ALPL: variants seen among roughly 807,000 people sequenced by gnomAD.
ALPL encodes the protein alkaline phosphatase, biomineralization associated.
ALPL carries 42 observed loss-of-function variants against 51.3 expected under a neutral mutation model. That is an observed-to-expected ratio of 0.82 (90% CI 0.64 to 1.06). The LOEUF is 1.06. Among genes scored for constraint, ALPL ranks in the 50% least tolerant of loss-of-function variants. ALPL has a pLI of 0.00. For synonymous variants in ALPL, 279 were observed against 296.4 expected, an observed-to-expected ratio of 0.94 and a Z score of 0.60; for missense variants, 589 against 709.4, an observed-to-expected ratio of 0.83 and a Z score of 1.93.
chr1:21,509,336 G>A (rs1643632215), upstream of ALPL: 1 of 147,294 alleles, frequency 6.8e-6, no homozygotes, highest in African/African-American at 2.5e-5. This position sits in a 1 kb window ranked among gnomAD's most constrained non-coding sequence, Gnocchi z 6.0. Context: ...GAGGGGTTGG[G>A]GCCGGGGGCG....
intron 1 of ALPL, among the ~76,000 whole-genome samples, chr1:21,547,544 G>C (rs1408278815): frequency 6.6e-6 from 1 of 152,180 alleles, no homozygotes; most frequent in Non-Finnish European, 1.5e-5. Flanking sequence ...CAGCTGGCCT[G>C]ACTCCCCCTG....
chr1:21,552,096 C>T (rs1644334038), intron 1 of ALPL, among the ~76,000 whole-genome samples: 2 of 74,298 alleles, frequency 2.7e-5, no homozygotes, highest in African/African-American at 9.2e-5. Flanking sequence ...CCCTTCCCTT[C>T]CCTTCCCTTT....
chr1:21,568,142 G>T lies in ALPL; in HGVS notation c.687G>T (p.Lys229Asn), dbSNP rs763892146. The T allele has an allele frequency of 6.2e-7, 1 of 1,614,072 alleles. No individual in the cohort carries two copies. The highest frequency in any genetic ancestry group is 1.7e-5 in the Admixed American group (1 of 60,012). ...GTGGCCGGAAATACATGTACCCCAA[G>T]AATAAAACTGATGTGGAGTATGAGA... is the stretch of plus-strand genomic sequence containing the variant. The part of the protein sequence containing the change: ...MGGGRKYMYP[K>N]NKTDVEYESD... The change falls in exon 7 of 12, where the codon AAG becomes AAT. Residue 229 changes from lysine (K) to asparagine (N), a missense_variant. Physicochemically the swap from Lys to Asn is moderately conservative, Grantham distance 94. Transcript: ENST00000374840.
At chr1:21,518,043 T>C (rs926183523) in intron 1 of ALPL, among the ~76,000 whole-genome samples, 1 of 152,062 alleles carries the variant, frequency 6.6e-6, no homozygotes, top group Admixed American at 6.6e-5. Context: ...ACGGTGCTCC[T>C]TGGTCTTCTT....
At chr1:21,527,659 C>T (rs1643966694) in intron 1 of ALPL, among the ~76,000 whole-genome samples, 1 of 151,388 alleles carries the variant, frequency 6.6e-6, no homozygotes, top group Admixed American at 6.6e-5. Flanking sequence ...AGGCGATTCT[C>T]CTGCCTCAGC....
At chr1:21,540,489 GAC>G (rs1644168552) in intron 1 of ALPL, among the ~76,000 whole-genome samples, 1 of 152,186 alleles carries the variant, frequency 6.6e-6, no homozygotes, top group Non-Finnish European at 1.5e-5. Flanking sequence ...TTGAGTAAGT[GAC>G]AGTCAGAGCC....
chr1:21,557,429 CGTG>C (rs1644428180), intron 2 of ALPL, among the ~76,000 whole-genome samples: 1 of 152,224 alleles, frequency 6.6e-6, no homozygotes, highest in Non-Finnish European at 1.5e-5. Flanking sequence ...TCTGAGACCT[CGTG>C]GTGCCATTTG....
chr1:21,577,430 A>AC lies in ALPL; in HGVS notation c.1360dup (p.His454ProfsTer?). ...GTCTGCTGTGCCCCTGCGCCACGAG[A>AC]CCCACGGCGGGGAGGACGTGGCCGT... On this transcript the variant is annotated frameshift_variant, in exon 12 of 12. Coordinates refer to ENST00000374840, the MANE Select transcript of ALPL (RefSeq NM_000478.6). LOFTEE classifies it high-confidence loss of function. 1 of 1,613,012 alleles carries AC rather than the reference A, an allele frequency of 6.2e-7. No individual in the cohort carries two copies. The highest frequency in any genetic ancestry group is 8.5e-7 in the Non-Finnish European group (1 of 1,179,954).
intron 1 of ALPL, among the ~76,000 whole-genome samples, chr1:21,513,424 G>A (rs1643730933): frequency 6.6e-6 from 1 of 152,182 alleles, no homozygotes; most frequent in African/African-American, 2.4e-5. Flanking sequence ...ATGTGGGTTG[G>A]TGGAAAAAGA....
At chr1:21,527,850 G>A (rs1036475338) in intron 1 of ALPL, among the ~76,000 whole-genome samples, 6 of 152,134 alleles carry the variant, frequency 3.9e-5, no homozygotes, top group African/African-American at 1.4e-4. Flanking sequence ...CGCCCGGCCA[G>A]CCTTTAACAT....
Position 21,549,791 on chromosome 1 carries a change from A to G in ALPL, c.-104-4187A>G, listed in dbSNP as rs146023551. On this transcript the variant is annotated intron_variant, in intron 1 of 11. Transcript: ENST00000374840. ...TAGTATATGGCTCAGAAACATTGCC[A>G]TTTACAATAGTTCCCCAAAAAGCAA... 1.3e-4 allele frequency among the ~76,000 whole-genome samples: 20 copies of G among 152,286 alleles called. 1 individual carries two copies. In the East Asian group the frequency reaches 3.9e-3, roughly 29 times the overall value.
At chr1:21,571,579 G>A (rs1196735312) in intron 8 of ALPL, among the ~76,000 whole-genome samples, 1 of 152,170 alleles carries the variant, frequency 6.6e-6, no homozygotes, top group Non-Finnish European at 1.5e-5. Context: ...GGCTGAGGCA[G>A]GAGAATGGTA....
chr1:21,559,885 CAT>C (rs1384828820), intron 2 of ALPL, among the ~76,000 whole-genome samples: 3 of 152,172 alleles, frequency 2.0e-5, no homozygotes, highest in Non-Finnish European at 4.4e-5. Flanking sequence ...CACACACACA[CAT>C]GAGAAAGAGG....
At chr1:21,568,351 G>C in intron 7 of ALPL, 104 bp downstream of exon 7, 1 of 1,514,672 alleles carries the variant, frequency 6.6e-7, no homozygotes, top group Non-Finnish European at 9.0e-7. Context: ...AAAGGGCATC[G>C]GAAATCTTTC....
In ALPL at chr1:21,551,719, G is replaced by GTTTTTT. The variant is rs397861981; in HGVS notation, c.-104-2238_-104-2233dup. On this transcript the variant is annotated intron_variant, in intron 1 of 11. Transcript: ENST00000374840. Reference sequence around the variant, plus strand: ...CTGGCACTGGAGCGCAGCTTGCGTGGTTTTTTTTTTTTTTTTTTTTTTTTT... The same window carrying GTTTTTT: ...CTGGCACTGGAGCGCAGCTTGCGTGGTTTTTTTTTTTTTTTTTTTTTTTTTTTTTTT... Among the ~76,000 whole-genome samples the GTTTTTT allele has an allele frequency of 3.9e-4, 24 of 61,442 alleles. 4 individuals are homozygous for GTTTTTT. Among genetic ancestry groups the GTTTTTT allele is most frequent in the African/African-American group, 1.4e-3 (22 of 16,128 alleles). 40.3% of individuals were successfully genotyped at this position (61,442 alleles called of 152,430 possible). A position where few individuals can be genotyped will look rare whatever the true frequency, so the allele number is the denominator to read the frequency against.
chr1:21,510,462 C>T (rs550089422), intron 1 of ALPL, among the ~76,000 whole-genome samples: 2 of 152,274 alleles, frequency 1.3e-5, no homozygotes, highest in East Asian at 3.9e-4. Flanking sequence ...GCCCAGCTGC[C>T]CAGGGAGGCA....
At chr1:21,518,310 A>G (rs141935995) in intron 1 of ALPL, among the ~76,000 whole-genome samples, 129 of 152,188 alleles carry the variant, frequency 8.5e-4, no homozygotes, top group African/African-American at 3.0e-3. Flanking sequence ...AGTTCTCGAC[A>G]CTGACGGACC....
At chr1:21,540,463 G>C (rs767385400) in intron 1 of ALPL, among the ~76,000 whole-genome samples, 1 of 152,146 alleles carries the variant, frequency 6.6e-6, no homozygotes, top group Non-Finnish European at 1.5e-5. Context: ...TCTGATTCCA[G>C]CTCTGCTGTG....
chr1:21,522,215 G>C (rs909413571), intron 1 of ALPL, among the ~76,000 whole-genome samples: 77 of 152,170 alleles, frequency 5.1e-4, no homozygotes, highest in African/African-American at 1.8e-3. Context: ...GGGACTACAG[G>C]CACACACCAC....
Sources: allele counts gnomAD v4.1 joint callset (sites outside exome capture counted in the v4.1 genomes callset), GRCh38; gene constraint gnomAD v4.1.1; non-coding constraint Gnocchi (gnomAD v3.1); transcripts MANE v1.5; gene names NCBI Gene and HGNC (gene_info 2026-07-23, HGNC 2026-07-21).